ELP4: variants seen among roughly 807,000 people sequenced by gnomAD.
ELP4 encodes the protein elongator complex protein 4.
Under a neutral mutation model 48.9 loss-of-function variants are expected in ELP4, and 51 were observed. The observed-to-expected ratio is 1.04, with a 90% CI of 0.83 to 1.32. The LOEUF (loss-of-function observed/expected upper bound fraction) is 1.32. Among genes scored for constraint, ELP4 ranks in the 40% most tolerant of loss-of-function variants. The pLI is 0.00. For missense variants in ELP4, 519 were observed against 514.6 expected (o/e 1.01, Z -0.08); for synonymous variants, 210 against 189.2 (o/e 1.11, Z -0.90).
intron 9 of ELP4, among the ~76,000 whole-genome samples, chr11:31,689,889 A>G (rs1257716509): frequency 1.3e-5 from 2 of 152,120 alleles, no homozygotes; most frequent in African/African-American, 4.8e-5. Context: ...CAGGCAAAGA[A>G]GCATTGCTCT....
intron 9 of ELP4, among the ~76,000 whole-genome samples, chr11:31,668,420 G>A (rs1002067028): frequency 6.6e-6 from 1 of 151,584 alleles, no homozygotes; most frequent in Non-Finnish European, 1.5e-5. Context: ...AAAATGATTG[G>A]CAACACTCAA....
At chr11:31,620,488 G>A (rs1040349779) in intron 5 of ELP4, among the ~76,000 whole-genome samples, 1 of 151,838 alleles carries the variant, frequency 6.6e-6, no homozygotes, top group Non-Finnish European at 1.5e-5. Context: ...TAGAGGTATG[G>A]CAGTTATTGA....
chr11:31,616,565 A>T (rs1264562870), intron 5 of ELP4, among the ~76,000 whole-genome samples: 1 of 152,128 alleles, frequency 6.6e-6, no homozygotes, highest in East Asian at 1.9e-4. Context: ...AAAAGCAAAA[A>T]TAGACAAATA....
chr11:31,520,091 G>A lies in ELP4; in HGVS notation c.259G>A (p.Glu87Lys), dbSNP rs1266356094. 6.2e-7 allele frequency: 1 copy of A among 1,611,572 alleles called. No individual in the cohort carries two copies. Among genetic ancestry groups the A allele is most frequent in the Non-Finnish European group, 8.5e-7 (1 of 1,178,938 alleles). ...GLAVGTVLLI[E>K]EDKYNIYSPL... is the part of the protein sequence containing the mutation. ...AGCCGTTGGAACAGTTCTTCTAATT[G>A]GTTAGTACAAAATACATGCTTTGCT... Residue 87 changes from glutamate (E) to lysine (K), a missense_variant and splice_region_variant, in exon 2 of 10, where the codon GAG becomes AAG. By Grantham distance (56) the Glu-to-Lys change is moderately conservative. Coordinates refer to ENST00000640961, the MANE Select transcript of ELP4 (RefSeq NM_019040.5).
intron 9 of ELP4, among the ~76,000 whole-genome samples, chr11:31,756,574 T>C (rs905386170): frequency 1.3e-5 from 2 of 152,216 alleles, no homozygotes; most frequent in Non-Finnish European, 2.9e-5. Context: ...AAGTGTACTT[T>C]CAGCTCCTTT....
intron 4 of ELP4, among the ~76,000 whole-genome samples, chr11:31,595,470 T>G (rs189714095): frequency 6.6e-6 from 1 of 152,318 alleles, no homozygotes; most frequent in African/African-American, 2.4e-5. Context: ...TCAGACTACA[T>G]TATTTAACAT....
Position 31,786,300 on chromosome 11 carries a change from T to A in ELP4, c.*2776T>A, listed in dbSNP as rs1948617798. 4.8e-6 allele frequency: 1 copy of A among 210,134 alleles called. No individual in the cohort carries two copies. The highest frequency in any genetic ancestry group is 2.3e-5 in the African/African-American group (1 of 44,254). The allele number at this position is 210,134 out of a possible 1,614,324, so 13.0% of individuals were successfully genotyped here. A position where few individuals can be genotyped will look rare whatever the true frequency, so the allele number is the denominator to read the frequency against. On this transcript the variant is annotated 3_prime_UTR_variant, in exon 10 of 10. Coordinates refer to ENST00000640961, the MANE Select transcript of ELP4 (RefSeq NM_019040.5). ...TTCATTTGTTTAAGCCCATTATTAA[T>A]GTCATTTCTAAGACAGCATGTTACT...
At chr11:31,716,495 T>C (rs927521252) in intron 9 of ELP4, among the ~76,000 whole-genome samples, 1 of 152,240 alleles carries the variant, frequency 6.6e-6, no homozygotes, top group African/African-American at 2.4e-5. Flanking sequence ...AAGATTAATA[T>C]GCAAAGTGCT....
chr11:31,772,092 C>T (rs530480666), intron 9 of ELP4, among the ~76,000 whole-genome samples: 2 of 151,642 alleles, frequency 1.3e-5, no homozygotes, highest in Admixed American at 6.6e-5. Flanking sequence ...TCCTTAAAAG[C>T]ACCTCTCACC....
rs1381600766 is a variant in ELP4, at chr11:31,783,991, T to C, written c.*467T>C. 1.3e-5 allele frequency: 2 copies of C among 152,326 alleles called. No individual in the cohort carries two copies. The highest frequency in any genetic ancestry group is 4.8e-5 in the African/African-American group (2 of 41,458). 9.4% of individuals were successfully genotyped at this position (152,326 alleles called of 1,614,324 possible). A position where few individuals can be genotyped will look rare whatever the true frequency, so the allele number is the denominator to read the frequency against. ...TACTAATATATAAAATAAATTTGCA[T>C]TTATGTATCCAGTTATTAAATTGAT... On this transcript the variant is annotated 3_prime_UTR_variant, in exon 10 of 10. Transcript: ENST00000640961.
intron 3 of ELP4, among the ~76,000 whole-genome samples, chr11:31,563,371 G>A (rs547325156): frequency 6.6e-6 from 1 of 152,082 alleles, no homozygotes; most frequent in Admixed American, 6.5e-5. Flanking sequence ...AAAGTGAGAA[G>A]GGTCAAACTG....
chr11:31,510,735 T>C (rs982715895), intron 1 of ELP4: 3 of 196,024 alleles, frequency 1.5e-5, no homozygotes, highest in Non-Finnish European at 2.0e-5. Context: ...TCTTAGGCTT[T>C]CCTTTAAAAT....
At chr11:31,620,606 G>A (rs1005372433) in intron 5 of ELP4, among the ~76,000 whole-genome samples, 3 of 152,000 alleles carry the variant, frequency 2.0e-5, no homozygotes, top group Non-Finnish European at 4.4e-5. Context: ...GTGTTAGAAA[G>A]GTGAGTCATG....
intron 9 of ELP4, among the ~76,000 whole-genome samples, chr11:31,753,820 T>C (rs1195724621): frequency 6.6e-6 from 1 of 152,206 alleles, no homozygotes; most frequent in Non-Finnish European, 1.5e-5. Flanking sequence ...TATTTATGTA[T>C]ATACATATAT....
intron 9 of ELP4, among the ~76,000 whole-genome samples, chr11:31,666,272 G>T (rs1321386100): frequency 6.6e-6 from 1 of 151,976 alleles, no homozygotes; most frequent in Non-Finnish European, 1.5e-5. Context: ...GCCTAGAAAA[G>T]TGTTGGGATT....
intron 9 of ELP4, among the ~76,000 whole-genome samples, chr11:31,673,798 T>G (rs972426806): frequency 6.6e-6 from 1 of 152,256 alleles, no homozygotes; most frequent in Non-Finnish European, 1.5e-5. Context: ...TTAAACATGC[T>G]AAATTTGTTT....
chr11:31,583,703 G>C (rs1403685593), intron 3 of ELP4, among the ~76,000 whole-genome samples: 1 of 152,172 alleles, frequency 6.6e-6, no homozygotes, highest in African/African-American at 2.4e-5. Context: ...TAAGTGAAAA[G>C]TGTGTTATTG....
intron 9 of ELP4, among the ~76,000 whole-genome samples, chr11:31,735,177 G>T (rs12293886): frequency 0.066 from 9,622 of 144,848 alleles, 828 homozygotes; most frequent in African/African-American, 0.19. Flanking sequence ...AAAAAAACAC[G>T]CACAAAAAAA....
chr11:31,758,483 G>A (rs76374114), intron 9 of ELP4, among the ~76,000 whole-genome samples: 1 of 152,226 alleles, frequency 6.6e-6, no homozygotes, highest in South Asian at 2.1e-4. Context: ...TGTTTCAACT[G>A]GACTAGACTA....
Sources: allele counts gnomAD v4.1 joint callset (sites outside exome capture counted in the v4.1 genomes callset), GRCh38; gene constraint gnomAD v4.1.1; transcripts MANE v1.5; gene names NCBI Gene and HGNC (gene_info 2026-07-23, HGNC 2026-07-21).